C2CD5: variants seen among roughly 807,000 people sequenced by gnomAD.
C2CD5 encodes C2 calcium dependent domain containing 5, also known as C2 domain-containing protein 5.
Under a neutral mutation model 130.3 loss-of-function variants are expected in C2CD5, and 109 were observed. The ratio of observed to expected loss-of-function variants is 0.84; its 90% CI spans 0.72 to 0.98. C2CD5 has a LOEUF of 0.98. Ranked by LOEUF, C2CD5 falls within the 50% of genes least tolerant of loss-of-function variation. C2CD5 has a pLI of 0.00. For synonymous variants in C2CD5, 454 were observed against 429.2 expected (o/e 1.06, Z -0.71); for missense variants, 996 against 1,261.8 (o/e 0.79, Z 3.19).
At chr12:22,514,509 C>G (rs1949514696) in intron 8 of C2CD5, among the ~76,000 whole-genome samples, 1 of 151,152 alleles carries the variant, frequency 6.6e-6, no homozygotes, top group Admixed American at 6.6e-5. Flanking sequence ...GAAAATAGAG[C>G]AGAAAAATTT....
chr12:22,528,648 A>T (rs1950940544), intron 3 of C2CD5, among the ~76,000 whole-genome samples: 1 of 152,212 alleles, frequency 6.6e-6, no homozygotes, highest in Non-Finnish European at 1.5e-5. Flanking sequence ...ATTATTTTCT[A>T]TAATTAGAAA....
intron 10 of C2CD5, among the ~76,000 whole-genome samples, chr12:22,498,982 T>C (rs975962827): frequency 6.6e-6 from 1 of 152,152 alleles, no homozygotes; most frequent in Non-Finnish European, 1.5e-5. Flanking sequence ...TCCGCAACTA[T>C]CAAGATTATC....
chr12:22,538,405 T>TAAAATATAGTAAGAAATACAG (rs1321215716), intron 2 of C2CD5, among the ~76,000 whole-genome samples: 4 of 152,172 alleles, frequency 2.6e-5, no homozygotes, highest in Non-Finnish European at 4.4e-5. Flanking sequence ...CATAAGCAGA[T>TAAAATATAGTAAGAAATACAG]TTGGGAATAA....
In C2CD5 at chr12:22,458,543, C is replaced by G; in HGVS notation, c.2627G>C (p.Ser876Thr). Residue 876 changes from serine (S) to threonine (T), a missense_variant, in exon 24 of 27, where the codon AGC becomes ACC. Physicochemically the swap from Ser to Thr is moderately conservative, Grantham distance 58 (BLOSUM62 1). Coordinates refer to ENST00000446597, the MANE Select transcript of C2CD5 (RefSeq NM_001286176.2). ...TTTCAGTTTAATGAGCTCTATCCAG[C>G]TGCTGCATCTGTCTGCAAAGGAACT... is the stretch of plus-strand genomic sequence containing the variant. Reference protein sequence around the residue: ...DYSSFADRCSSWIELIKLKAQ... With the variant: ...DYSSFADRCSTWIELIKLKAQ... 2 of 1,307,332 alleles carry G rather than the reference C, an allele frequency of 1.5e-6. No individual in the cohort carries two copies. Among genetic ancestry groups the G allele is most frequent in the Middle Eastern group, 2.0e-4 (1 of 5,084 alleles). 81.0% of individuals were successfully genotyped at this position (1,307,332 alleles called of 1,614,324 possible). A position where few individuals can be genotyped will look rare whatever the true frequency, so the allele number is the denominator to read the frequency against.
intron 16 of C2CD5, among the ~76,000 whole-genome samples, chr12:22,474,331 T>C (rs1943518473): frequency 6.6e-6 from 1 of 151,432 alleles, no homozygotes; most frequent in South Asian, 2.1e-4. Flanking sequence ...CAATTATACC[T>C]TTTGAATTCA....
chr12:22,484,621 G>A (rs995888111), intron 13 of C2CD5, 76 bp downstream of exon 13: 15 of 718,686 alleles, frequency 2.1e-5, no homozygotes, highest in Non-Finnish European at 2.8e-5. Context: ...CAGTAAAGCT[G>A]ACACTTAAAA....
chr12:22,521,153 A>C (rs1023980884), intron 7 of C2CD5, among the ~76,000 whole-genome samples: 2 of 152,174 alleles, frequency 1.3e-5, no homozygotes, highest in South Asian at 4.1e-4. Flanking sequence ...GAATAGTTAT[A>C]ATCAGCTGAA....
intron 22 of C2CD5, among the ~76,000 whole-genome samples, chr12:22,460,342 A>C (rs1206739083): frequency 6.6e-6 from 1 of 152,222 alleles, no homozygotes; most frequent in African/African-American, 2.4e-5. Flanking sequence ...TAGTCCTGCC[A>C]ATTTAGAAAT....
intron 12 of C2CD5, among the ~76,000 whole-genome samples, chr12:22,485,469 T>C (rs1257980062): frequency 6.6e-6 from 1 of 151,854 alleles, no homozygotes; most frequent in Non-Finnish European, 1.5e-5. Context: ...AGCTACTAGG[T>C]ACCCCCCAAA....
In C2CD5 at chr12:22,524,466, A is replaced by T. The variant is rs1372485724; in HGVS notation, c.601+6T>A. 1.2e-6 allele frequency: 2 copies of T among 1,609,220 alleles called. No individual in the cohort carries two copies. Among genetic ancestry groups the T allele is most frequent in the South Asian group, 2.2e-5 (2 of 90,254 alleles). On this transcript the variant is annotated splice_donor_region_variant and intron_variant, in intron 6 of 26. Transcript: ENST00000446597. ...AGTCAGTAATAAAGTTATTTTTTTT[A>T]AATACCTGACATTAACGAAATGAGT...
chr12:22,452,846 C>T (rs778874295), intron 26 of C2CD5, among the ~76,000 whole-genome samples: 3 of 152,138 alleles, frequency 2.0e-5, no homozygotes, highest in Non-Finnish European at 2.9e-5. Flanking sequence ...GTGGGAAGAT[C>T]GCTTGAGCTC....
intron 8 of C2CD5, among the ~76,000 whole-genome samples, chr12:22,513,923 T>A (rs1211946479): frequency 1.3e-5 from 2 of 152,122 alleles, no homozygotes. Flanking sequence ...AAAACAGTAT[T>A]AATTTCATAC....
Position 22,491,833 on chromosome 12 carries a change from T to C in C2CD5, c.1262+1390A>G, listed in dbSNP as rs530188493. Among the ~76,000 whole-genome samples, 142 of 151,674 alleles carry C rather than the reference T, an allele frequency of 9.4e-4. 4 individuals carry two copies. The South Asian group carries it at 0.026, about 27-fold the overall frequency. ...GTTGCAGTGAGCCAAAATCACACCA[T>C]TGCACTCCAGCCTGAGTGAAAGAGT... is the stretch of plus-strand genomic sequence containing the variant. On this transcript the variant is annotated intron_variant, in intron 11 of 26. Coordinates refer to ENST00000446597, the MANE Select transcript of C2CD5 (RefSeq NM_001286176.2).
chr12:22,498,834 C>T (rs1264417862), intron 10 of C2CD5, among the ~76,000 whole-genome samples: 4 of 152,062 alleles, frequency 2.6e-5, no homozygotes, highest in Admixed American at 6.5e-5. Flanking sequence ...ATTTTGTCTA[C>T]GTCCAGAAGC....
intron 3 of C2CD5, among the ~76,000 whole-genome samples, chr12:22,532,627 C>T (rs969650268): frequency 6.6e-6 from 1 of 152,306 alleles, no homozygotes; most frequent in African/African-American, 2.4e-5. Context: ...AGAAAGATCA[C>T]GGTCCTAATA....
intron 23 of C2CD5, 84 bp from the exon 24 acceptor site, chr12:22,458,669 G>A (rs1230770789): frequency 1.9e-5 from 9 of 471,158 alleles, no homozygotes; most frequent in Admixed American, 1.8e-4. Context: ...CACTCCTTTC[G>A]ATGATGTAAT....
Position 22,478,302 on chromosome 12 carries a change from G to A in C2CD5, c.1902+11C>T. The A allele has an allele frequency of 6.3e-7, 1 of 1,599,302 alleles. No homozygotes were observed. Among genetic ancestry groups the A allele is most frequent in the South Asian group, 1.1e-5 (1 of 90,772 alleles). ...ACTGATACATTCACAATGTAGGTTT[G>A]TTTTACTTACTGGAGGATTGATTTC... On this transcript the variant is annotated intron_variant, in intron 15 of 26. Coordinates refer to ENST00000446597, the MANE Select transcript of C2CD5 (RefSeq NM_001286176.2).
At chr12:22,513,407 A>C in intron 8 of C2CD5, 28 bp from the exon 9 acceptor site, 1 of 1,436,310 alleles carries the variant, frequency 7.0e-7, no homozygotes, top group Non-Finnish European at 9.8e-7. Flanking sequence ...ATAAATAACA[A>C]CCAAAAAAGC....
intron 10 of C2CD5, among the ~76,000 whole-genome samples, chr12:22,494,177 T>TAACACATTTA (rs1946712900): frequency 2.0e-5 from 3 of 152,018 alleles, no homozygotes; most frequent in South Asian, 4.1e-4. Context: ...ACATTTTATG[T>TAACACATTTA]ACAATGTGTT....
Sources: gnomAD v4.1 joint callset for allele counts (sites outside exome capture counted in the v4.1 genomes callset) on GRCh38, gnomAD v4.1.1 for gene constraint, MANE v1.5 for transcripts, NCBI Gene and HGNC (gene_info 2026-07-23, HGNC 2026-07-21) for gene names.